SLC12A8: variants seen among roughly 807,000 people sequenced by gnomAD.
SLC12A8 encodes cation-chloride cotransporter 9.
A neutral mutation model predicts 75.6 loss-of-function variants in SLC12A8; 69 were observed. That is an observed-to-expected ratio of 0.91 (90% CI 0.75 to 1.11). The LOEUF (loss-of-function observed/expected upper bound fraction) is 1.11, where lower values mean the gene tolerates loss of function less well. Ranked by LOEUF, SLC12A8 falls within the 50% of genes most tolerant of loss-of-function variation. The pLI, the probability that SLC12A8 is intolerant of heterozygous loss-of-function variation, is 0.00. For synonymous variants in SLC12A8, 365 were observed against 372.8 expected (o/e 0.98, Z 0.24); for missense variants, 877 against 896.7 (o/e 0.98, Z 0.28).
chr3:125,177,876 C>T lies in SLC12A8; in HGVS notation c.489G>A (p.Ala163=), dbSNP rs756199438. 6.8e-6 allele frequency: 11 copies of T among 1,614,050 alleles called. No homozygotes were observed. The highest frequency in any genetic ancestry group is 1.3e-5 in the African/African-American group (1 of 74,904). ...TAATGCCCAGCAAGGCCAGAAGCAC[C>T]GCAACTGAAATTCCTCGCACAGCCC... ...NIWAVRGISV[A]VLLALLGINL... is the part of the protein sequence containing the mutation. Residue 163 remains alanine (A), a synonymous_variant, in exon 5 of 14, where the codon GCG becomes GCA. Coordinates refer to ENST00000469902, the MANE Select transcript of SLC12A8 (RefSeq NM_024628.6).
At chr3:125,084,193 T>A in intron 13 of SLC12A8, 141 bp from the exon 14 acceptor site, 1 of 656,526 alleles carries the variant, frequency 1.5e-6, no homozygotes, top group South Asian at 2.0e-5. Context: ...GAAAGGTATA[T>A]GTACAGGTAT....
chr3:125,207,322 T>C (rs1935245159), intron 2 of SLC12A8, among the ~76,000 whole-genome samples: 1 of 152,162 alleles, frequency 6.6e-6, no homozygotes, highest in Non-Finnish European at 1.5e-5. Flanking sequence ...AAAGCATGAA[T>C]CCAGTGTACT....
chr3:125,100,521 C>T (rs112879578), intron 10 of SLC12A8, among the ~76,000 whole-genome samples: 5,645 of 151,634 alleles, frequency 0.037, 162 homozygotes, highest in South Asian at 0.09. Context: ...GATTCTCCTG[C>T]CTCAGCCTCC....
intron 5 of SLC12A8, among the ~76,000 whole-genome samples, chr3:125,139,011 AT>A (rs1226963989): frequency 2.6e-5 from 4 of 152,010 alleles, no homozygotes; most frequent in African/African-American, 9.7e-5. Context: ...TGACAAAATA[AT>A]TTTTTTAAAT....
intron 5 of SLC12A8, among the ~76,000 whole-genome samples, chr3:125,138,548 C>A (rs1933549052): frequency 9.6e-6 from 1 of 104,452 alleles, no homozygotes; most frequent in South Asian, 3.8e-4. Flanking sequence ...TATGCTAATT[C>A]AGAAAACTGG....
chr3:125,101,103 G>C (rs1436437682), intron 10 of SLC12A8, among the ~76,000 whole-genome samples: 2 of 151,148 alleles, frequency 1.3e-5, no homozygotes, highest in East Asian at 3.9e-4. Context: ...AATACCCATT[G>C]CAAGTGTTGG....
At chr3:125,086,188 G>C (rs1421711991) in intron 13 of SLC12A8, among the ~76,000 whole-genome samples, 1 of 152,072 alleles carries the variant, frequency 6.6e-6, no homozygotes. Flanking sequence ...AGCCTTTCTT[G>C]GTTCTTTCAA....
At position 125,121,054 on chromosome 3, in the gene SLC12A8, G is replaced by A. The variant is rs186071660; in HGVS notation, c.737-368C>T. On this transcript the variant is annotated intron_variant, in intron 6 of 13. Transcript: ENST00000469902. ...CCTGGAGAGGCTCAGCATTACAAAG[G>A]TCTGGCAGCCTCCTGCTCAGCAGCT... 1.0e-3 allele frequency: 573 copies of A among 573,238 alleles called. 2 individuals carry two copies. The highest frequency in any genetic ancestry group is 1.5e-3 in the Non-Finnish European group (498 of 328,726). 35.5% of individuals were successfully genotyped at this position (573,238 alleles called of 1,614,324 possible). A position where few individuals can be genotyped will look rare whatever the true frequency, so the allele number is the denominator to read the frequency against.
At chr3:125,194,457 G>A (rs1334471714) in intron 2 of SLC12A8, among the ~76,000 whole-genome samples, 1 of 151,886 alleles carries the variant, frequency 6.6e-6, no homozygotes, top group African/African-American at 2.4e-5. Context: ...GGGGTAGGGG[G>A]TTGTCTAGAA....
chr3:125,156,242 T>A (rs1934048333), intron 5 of SLC12A8, among the ~76,000 whole-genome samples: 2 of 152,188 alleles, frequency 1.3e-5, no homozygotes, highest in Admixed American at 1.3e-4. Flanking sequence ...TGAGAAGGCA[T>A]TTCGTCACTG....
chr3:125,124,565 G>A (rs567204536), intron 6 of SLC12A8, among the ~76,000 whole-genome samples: 2 of 152,276 alleles, frequency 1.3e-5, no homozygotes, highest in East Asian at 3.9e-4. Context: ...AACATCAGGT[G>A]ATCTGACTGC....
At position 125,118,634 on chromosome 3, in the gene SLC12A8, ATAAAT is replaced by A. The variant is rs1932956840; in HGVS notation, c.912+130_912+134del. The A allele has an allele frequency of 1.3e-5, 8 of 622,476 alleles. No homozygotes were observed. In the South Asian group the frequency reaches 1.5e-4, roughly 11 times the overall value. The allele number at this position is 622,476 out of a possible 1,614,324, so 38.6% of individuals were successfully genotyped here. ...ACAGAGTGAGACCCTGTCTCAAAAAATAAATTAATTAAATTTTAAAAAGACTATAT... is the reference window on the plus strand; with the variant it reads ...ACAGAGTGAGACCCTGTCTCAAAAAATAATTAAATTTTAAAAAGACTATAT... On this transcript the variant is annotated intron_variant, in intron 8 of 13. Transcript: ENST00000469902.
Position 125,177,964 on chromosome 3 carries a change from C to A in SLC12A8, c.401G>T (p.Gly134Val). 11 of 1,612,690 alleles carry A rather than the reference C, an allele frequency of 6.8e-6. No individual in the cohort carries two copies. Among genetic ancestry groups the A allele is most frequent in the Non-Finnish European group, 9.3e-6 (11 of 1,179,294 alleles). The change falls in exon 5 of 14, where the codon GGT becomes GTT. Residue 134 changes from glycine to valine, a missense_variant. By Grantham distance (109) the Gly-to-Val change is moderately radical (BLOSUM62 -3). Transcript: ENST00000469902. ...AGCAAAGCCGGTGATATACATGGCACCTGCAACACACTGACATGCGATTCC... is the reference window on the plus strand; with the variant it reads ...AGCAAAGCCGGTGATATACATGGCAACTGCAACACACTGACATGCGATTCC... Reference protein sequence around the residue: ...LLYVFGQCVAGAMYITGFAES... With the variant: ...LLYVFGQCVAVAMYITGFAES...
intron 5 of SLC12A8, among the ~76,000 whole-genome samples, chr3:125,170,678 G>T (rs1050338958): frequency 2.0e-5 from 3 of 152,052 alleles, no homozygotes; most frequent in Admixed American, 2.0e-4. Context: ...ACTTTGGGAG[G>T]CTGAGGCGGG....
intron 5 of SLC12A8, among the ~76,000 whole-genome samples, chr3:125,165,871 C>A (rs985987725): frequency 6.6e-6 from 1 of 152,216 alleles, no homozygotes; most frequent in African/African-American, 2.4e-5. Flanking sequence ...TTCCCTGCAT[C>A]CCGAGTGGAA....
chr3:125,208,106 C>T (rs1181907263), intron 2 of SLC12A8, among the ~76,000 whole-genome samples: 1 of 152,228 alleles, frequency 6.6e-6, no homozygotes, highest in Non-Finnish European at 1.5e-5. Context: ...GAGTCTACCA[C>T]CAGAGCACAC....
intron 5 of SLC12A8, among the ~76,000 whole-genome samples, chr3:125,166,080 C>T (rs961170544): frequency 3.3e-5 from 5 of 152,146 alleles, no homozygotes; most frequent in Non-Finnish European, 5.9e-5. Context: ...GCTGCCCAAG[C>T]GTTTCGCCCA....
intron 2 of SLC12A8, 122 bp from the exon 3 acceptor site, chr3:125,190,643 G>T: frequency 1.7e-6 from 2 of 1,150,840 alleles, no homozygotes; most frequent in East Asian, 4.7e-5. Flanking sequence ...GTCTTATTGT[G>T]CCAGGGCAAG....
chr3:125,202,630 G>GTT (rs543411392), intron 2 of SLC12A8, among the ~76,000 whole-genome samples: 2 of 147,582 alleles, frequency 1.4e-5, no homozygotes, highest in Non-Finnish European at 3.0e-5. Context: ...TATTAACCAT[G>GTT]TTTTTTTTTT....
Sources: gnomAD v4.1 joint callset for allele counts (sites outside exome capture counted in the v4.1 genomes callset) on GRCh38, gnomAD v4.1.1 for gene constraint, MANE v1.5 for transcripts, NCBI Gene and HGNC (gene_info 2026-07-23, HGNC 2026-07-21) for gene names.